TRIM33: variants seen among roughly 807,000 people sequenced by gnomAD.
TRIM33 encodes E3 ubiquitin-protein ligase TRIM33.
A neutral mutation model predicts 125.4 loss-of-function variants in TRIM33; 20 were observed. That is an observed-to-expected ratio of 0.16 (90% CI 0.11 to 0.23). TRIM33 has a LOEUF of 0.23. Ranked by LOEUF, TRIM33 falls within the 10% of genes least tolerant of loss-of-function variation. TRIM33 has a pLI of 1.00. For synonymous variants in TRIM33, 564 were observed against 513.9 expected, an observed-to-expected ratio of 1.10 and a Z score of -1.32; for missense variants, 920 against 1,411.4, an observed-to-expected ratio of 0.65 and a Z score of 5.58.
chr1:114,511,018 G>T lies in TRIM33; in HGVS notation c.59C>A (p.Ala20Glu), dbSNP rs1198778981. 3 of 1,322,814 alleles carry T rather than the reference G, an allele frequency of 2.3e-6. No individual in the cohort carries two copies. The highest frequency in any genetic ancestry group is 2.9e-6 in the Non-Finnish European group (3 of 1,036,902). 81.9% of individuals were successfully genotyped at this position (1,322,814 alleles called of 1,614,324 possible). The change falls in exon 1 of 20, where the codon GCG becomes GAG. Residue 20 changes from alanine to glutamate, a missense_variant. Physicochemically the swap from Ala to Glu is moderately radical, Grantham distance 107. Transcript: ENST00000358465. ...AESGGGGSGS[A>E]PVTAGAAGPA... ...CCCGGCGGCCCCGGCAGTTACCGGCGCGCTGCCGCTGCCCCCGCCGCCGCT... is the reference window on the plus strand; with the variant it reads ...CCCGGCGGCCCCGGCAGTTACCGGCTCGCTGCCGCTGCCCCCGCCGCCGCT...
At chr1:114,500,908 G>GGAGGGACTTGGCA (rs1316159111) in intron 1 of TRIM33, among the ~76,000 whole-genome samples, 1 of 130,122 alleles carries the variant, frequency 7.7e-6, no homozygotes. Context: ...CAAGAATTTG[G>GGAGGGACTTGGCA]GGCCGGGCGC....
At chr1:114,481,639 A>ATACG (rs1553220465) in intron 1 of TRIM33, among the ~76,000 whole-genome samples, 1 of 142,338 alleles carries the variant, frequency 7.0e-6, no homozygotes, top group African/African-American at 2.6e-5. Context: ...CTATATATAT[A>ATACG]TGTGTGTGTG....
At position 114,433,633 on chromosome 1, in the gene TRIM33, T is replaced by C. The variant is rs763194971; in HGVS notation, c.1024A>G (p.Thr342Ala). The C allele has an allele frequency of 5.6e-6, 9 of 1,605,502 alleles. No homozygotes were observed. The highest frequency in any genetic ancestry group is 7.7e-6 in the Non-Finnish European group (9 of 1,174,040). The change falls in exon 5 of 20, where the codon ACT becomes GCT. Residue 342 changes from threonine to alanine, a missense_variant. Around this residue, in one of 8 missense-constraint regions of TRIM33, gnomAD observed 50 missense variants for 110.8 expected, o/e 0.45. Coordinates refer to ENST00000358465, the MANE Select transcript of TRIM33 (RefSeq NM_015906.4). ...EKKNYVHFAA[T>A]QVQNRIKEVN... ...CAAACTTACCTATTCTGCACCTGAG[T>C]AGCTGCAAAATGAACATAATTCTTC...
At chr1:114,433,793 TAAAG>T (rs949514075) in intron 4 of TRIM33, 60 bp from the exon 5 acceptor site, 15 of 1,072,146 alleles carry the variant, frequency 1.4e-5, no homozygotes, top group African/African-American at 1.1e-4. Flanking sequence ...ATTTTGGAAA[TAAAG>T]AACAGCTAAA....
At chr1:114,500,661 T>C (rs914115462) in intron 1 of TRIM33, among the ~76,000 whole-genome samples, 13 of 149,948 alleles carry the variant, frequency 8.7e-5, no homozygotes, top group African/African-American at 3.2e-4. Context: ...ATCTTGAAGA[T>C]GACCAAGGTA....
chr1:114,490,021 C>T (rs1256532654), intron 1 of TRIM33, among the ~76,000 whole-genome samples: 1 of 129,278 alleles, frequency 7.7e-6, no homozygotes, highest in Admixed American at 1.0e-4. Context: ...GAGGCCGAGG[C>T]AGGAAGATTG....
intron 4 of TRIM33, among the ~76,000 whole-genome samples, chr1:114,434,735 T>A (rs1162564609): frequency 6.6e-6 from 1 of 152,180 alleles, no homozygotes; most frequent in East Asian, 1.9e-4. Context: ...TAACAAATAG[T>A]CACAAATACA....
chr1:114,509,659 G>A (rs931115838), intron 1 of TRIM33, among the ~76,000 whole-genome samples: 1 of 152,158 alleles, frequency 6.6e-6, no homozygotes, highest in Non-Finnish European at 1.5e-5. Flanking sequence ...ACCCAGTGAG[G>A]TACTCATTCT....
intron 11 of TRIM33, among the ~76,000 whole-genome samples, chr1:114,415,216 G>T (rs146768957): frequency 6.6e-6 from 1 of 151,716 alleles, no homozygotes; most frequent in Non-Finnish European, 1.5e-5. Context: ...AGCTAGTCTC[G>T]AACTCCTGGC....
rs1651415084 is a variant in TRIM33 at position 114,394,043 on chromosome 1, A to C, written c.*3605T>G. ...AATATCCAGGTCCGGTACATGATCAAACTGTATTACACCTTGAAAATCTTG... is the reference window on the plus strand; with the variant it reads ...AATATCCAGGTCCGGTACATGATCACACTGTATTACACCTTGAAAATCTTG... On this transcript the variant is annotated 3_prime_UTR_variant, in exon 20 of 20. Transcript: ENST00000358465. 4.4e-6 allele frequency: 1 copy of C among 227,004 alleles called. No individual in the cohort carries two copies. The highest frequency in any genetic ancestry group is 8.8e-6 in the Non-Finnish European group (1 of 113,910). The allele number at this position is 227,004 out of a possible 1,614,324, so 14.1% of individuals were successfully genotyped here.
chr1:114,401,587 CTAGA>C (rs752882522), intron 16 of TRIM33, 124 bp from the exon 17 acceptor site: 9 of 660,336 alleles, frequency 1.4e-5, no homozygotes, highest in South Asian at 2.1e-5. Flanking sequence ...CCCCTGTTTA[CTAGA>C]TACTCAACTA....
chr1:114,420,123 G>T (rs145147095), intron 11 of TRIM33, among the ~76,000 whole-genome samples: 1 of 152,280 alleles, frequency 6.6e-6, no homozygotes, highest in East Asian at 1.9e-4. Context: ...TTATATTTAC[G>T]TTTTAAAAGA....
chr1:114,483,940 G>A (rs1489224251), intron 1 of TRIM33, among the ~76,000 whole-genome samples: 1 of 152,260 alleles, frequency 6.6e-6, no homozygotes, highest in South Asian at 2.1e-4. Flanking sequence ...TTCTGGTTTA[G>A]GAAACCGGAA....
At chr1:114,481,661 GTATATATATGTGTGTA>G (rs1271760473) in intron 1 of TRIM33, among the ~76,000 whole-genome samples, 1 of 144,940 alleles carries the variant, frequency 6.9e-6, no homozygotes, top group African/African-American at 2.6e-5. Context: ...GTGTGTGTGT[GTATATATATGTGTGTA>G]TATATATATA....
intron 4 of TRIM33, among the ~76,000 whole-genome samples, chr1:114,434,782 G>T (rs1336370151): frequency 1.3e-5 from 2 of 152,074 alleles, no homozygotes; most frequent in Non-Finnish European, 2.9e-5. Context: ...TATAATTCAC[G>T]TATATATAAT....
At chr1:114,457,444 A>G (rs1285935299) in intron 4 of TRIM33, among the ~76,000 whole-genome samples, 1 of 152,240 alleles carries the variant, frequency 6.6e-6, no homozygotes, top group Non-Finnish European at 1.5e-5. Context: ...GACTGAATCT[A>G]TGACTGAAGG....
chr1:114,456,704 A>C (rs938093064), intron 4 of TRIM33, among the ~76,000 whole-genome samples: 1 of 152,188 alleles, frequency 6.6e-6, no homozygotes, highest in East Asian at 1.9e-4. Context: ...GCTTACTGTC[A>C]TAATTTGATT....
Position 114,405,632 on chromosome 1 carries a change from C to T in TRIM33, c.2546G>A (p.Cys849Tyr), listed in dbSNP as rs748480935. The change falls in exon 15 of 20, where the codon TGC becomes TAC. Residue 849 changes from cysteine to tyrosine, a missense_variant. Physicochemically the swap from Cys to Tyr is radical, Grantham distance 194. Around this residue, in one of 8 missense-constraint regions of TRIM33, gnomAD observed 407 missense variants for 589.7 expected, o/e 0.69. Transcript: ENST00000358465. ...KIEPADMNESCKQSGLSSLVN... is the reference protein window; with the variant it reads ...KIEPADMNESYKQSGLSSLVN... Reference sequence around the variant, plus strand: ...AAGGCTGCTGAGCCCTGACTGTTTGCAGCTTTCATTCATATCTGCAGGTTC... The same window carrying T: ...AAGGCTGCTGAGCCCTGACTGTTTGTAGCTTTCATTCATATCTGCAGGTTC... The T allele has an allele frequency of 6.2e-7, 1 of 1,614,172 alleles. No individual in the cohort carries two copies. Among genetic ancestry groups the T allele is most frequent in the South Asian group, 1.1e-5 (1 of 91,076 alleles).
At chr1:114,443,655 C>T (rs1572061338) in intron 4 of TRIM33, among the ~76,000 whole-genome samples, 1 of 152,126 alleles carries the variant, frequency 6.6e-6, no homozygotes, top group East Asian at 1.9e-4. Flanking sequence ...TTTTAAGTAG[C>T]CACTCTCTCT....
Sources: allele counts gnomAD v4.1 joint callset (sites outside exome capture counted in the v4.1 genomes callset), GRCh38; gene constraint gnomAD v4.1.1; regional missense constraint gnomAD v4.1.1; transcripts MANE v1.5; gene names NCBI Gene and HGNC (gene_info 2026-07-23, HGNC 2026-07-21).